YRDC: variants seen among roughly 807,000 people sequenced by gnomAD.
YRDC encodes yrdC N6-threonylcarbamoyltransferase domain containing, also known as threonylcarbamoyl-AMP synthase.
Under a neutral mutation model 21.5 loss-of-function variants are expected in YRDC, and 17 were observed. The ratio of observed to expected loss-of-function variants is 0.79; its 90% CI spans 0.54 to 1.19. YRDC has a LOEUF of 1.19. Ranked by LOEUF, YRDC falls within the 50% of genes most tolerant of loss-of-function variation. YRDC has a pLI of 0.00. For missense variants in YRDC, 380 were observed against 397.1 expected, an observed-to-expected ratio of 0.96 and a Z score of 0.37; for synonymous variants, 193 against 176.7, an observed-to-expected ratio of 1.09 and a Z score of -0.73.
rs1263619284 is a variant in YRDC at position 37,807,935 on chromosome 1, C to A, written c.246G>T (p.Val82=). 2.2e-5 allele frequency: 27 copies of A among 1,243,870 alleles called. No homozygotes were observed. The highest frequency in any genetic ancestry group is 2.6e-5 in the Non-Finnish European group (26 of 993,632). 77.1% of individuals were successfully genotyped at this position (1,243,870 alleles called of 1,614,324 possible). A position where few individuals can be genotyped will look rare whatever the true frequency, so the allele number is the denominator to read the frequency against. The change falls in exon 1 of 5, where the codon GTG becomes GTT. Residue 82 remains valine (V), a synonymous_variant. Coordinates refer to ENST00000373044, the MANE Select transcript of YRDC (RefSeq NM_024640.4). The part of the protein sequence containing the change: ...AAVAELRAGA[V]VAVPTDTLYG... Reference sequence around the variant, plus strand: ...ACAGCGTATCGGTGGGGACGGCCACCACGGCGCCGGCGCGCAGCTCGGCCA... The same window carrying A: ...ACAGCGTATCGGTGGGGACGGCCACAACGGCGCCGGCGCGCAGCTCGGCCA...
intron 4 of YRDC, 91 bp downstream of exon 4, chr1:37,804,211 T>C (rs1646720567): frequency 3.9e-6 from 6 of 1,551,396 alleles, no homozygotes; most frequent in African/African-American, 2.7e-5. Context: ...CAGGGCAACA[T>C]AGGAGGCACC....
chr1:37,808,007 G>T lies in YRDC; in HGVS notation c.174C>A (p.Ala58=). ...TCCAGCCGGCGCGCTCCGGGCTCGCGGCCTGCACGGCCCCGCTCCCCGGGA... is the reference window on the plus strand; with the variant it reads ...TCCAGCCGGCGCGCTCCGGGCTCGCTGCCTGCACGGCCCCGCTCCCCGGGA... The part of the protein sequence containing the change: ...LRLPGSGAVQ[A]ASPERAGWTE... Residue 58 remains alanine (A), a synonymous_variant, in exon 1 of 5, where the codon GCC becomes GCA. Transcript: ENST00000373044. 8.2e-7 allele frequency: 1 copy of T among 1,216,690 alleles called. No individual in the cohort carries two copies. The highest frequency in any genetic ancestry group is 1.0e-6 in the Non-Finnish European group (1 of 978,400). 75.4% of individuals were successfully genotyped at this position (1,216,690 alleles called of 1,614,324 possible). A position where few individuals can be genotyped will look rare whatever the true frequency, so the allele number is the denominator to read the frequency against.
intron 1 of YRDC, 43 bp downstream of exon 1, chr1:37,807,749 C>A: frequency 7.0e-7 from 1 of 1,436,998 alleles, no homozygotes; most frequent in Non-Finnish European, 9.1e-7. Flanking sequence ...GAAACCCCTC[C>A]CGCGGTGCCG....
In YRDC at chr1:37,806,914, A is replaced by C; in HGVS notation, c.567T>G (p.Gly189=). 6.2e-7 allele frequency: 1 copy of C among 1,614,178 alleles called. No individual in the cohort carries two copies. The highest frequency in any genetic ancestry group is 8.5e-7 in the Non-Finnish European group (1 of 1,180,028). Residue 189 remains glycine (G), a synonymous_variant, in exon 3 of 5, where the codon GGT becomes GGG. Transcript: ENST00000373044. ...FMQDLAQMFE[G]PLALTSANLS... is the part of the protein sequence containing the mutation. Reference sequence around the variant, plus strand: ...GGTTGGCACTAGTGAGAGCAAGCGGACCCTCAAACATCTGAGCCAAGTCTT... The same window carrying C: ...GGTTGGCACTAGTGAGAGCAAGCGGCCCCTCAAACATCTGAGCCAAGTCTT...
chr1:37,804,189 C>A, intron 4 of YRDC, 113 bp downstream of exon 4: 1 of 1,516,402 alleles, frequency 6.6e-7, no homozygotes. Flanking sequence ...CCAAACCTGG[C>A]CCACACTCCT....
In YRDC at chr1:37,806,814, G is replaced by A. The variant is rs767172995; in HGVS notation, c.624+43C>T. ...GCCACTGATTCACAGAAAACAGTAT[G>A]TGCGCTGGTGACATTTCCAGGGGAA... is the stretch of plus-strand genomic sequence containing the variant. On this transcript the variant is annotated intron_variant, in intron 3 of 4. Transcript: ENST00000373044. 1.1e-5 allele frequency: 18 copies of A among 1,613,234 alleles called. No homozygotes were observed. The South Asian group carries it at 1.9e-4, about 17-fold the overall frequency.
intron 3 of YRDC, among the ~76,000 whole-genome samples, chr1:37,805,609 C>T (rs557985931): frequency 1.3e-5 from 2 of 152,180 alleles, no homozygotes; most frequent in Non-Finnish European, 2.9e-5. Context: ...TGATTGCTGA[C>T]AAGGTAAAAA....
chr1:37,807,589 T>C, intron 1 of YRDC: 1 of 1,055,200 alleles, frequency 9.5e-7, no homozygotes. Context: ...GGTCCCTGCC[T>C]TTCTCGTGTG....
In YRDC at chr1:37,803,983, G is replaced by T. The variant is rs1646718360; in HGVS notation, c.782C>A (p.Thr261Asn). ...IIRPGCALESTTAILQQKYGL... is the reference protein window; with the variant it reads ...IIRPGCALESNTAILQQKYGL... Reference sequence around the variant, plus strand: ...GTACTTCTGTTGGAGGATGGCTGTAGTACTTTCCAGGGCACTGAGGAGGAA... The same window carrying T: ...GTACTTCTGTTGGAGGATGGCTGTATTACTTTCCAGGGCACTGAGGAGGAA... The change falls in exon 5 of 5, where the codon ACT becomes AAT. Residue 261 changes from threonine to asparagine, a missense_variant. This residue lies in a region of YRDC where 238 missense variants were observed against 236.5 expected (regional missense o/e 1.01). Coordinates refer to ENST00000373044, the MANE Select transcript of YRDC (RefSeq NM_024640.4). 6.2e-7 allele frequency: 1 copy of T among 1,614,070 alleles called. No homozygotes were observed. The highest frequency in any genetic ancestry group is 8.5e-7 in the Non-Finnish European group (1 of 1,180,048).
intron 2 of YRDC, 46 bp from the exon 3 acceptor site, chr1:37,807,022 A>G: frequency 6.2e-7 from 1 of 1,614,176 alleles, no homozygotes; most frequent in South Asian, 1.1e-5. Flanking sequence ...TGGAAGGGAT[A>G]AGAGGGTAAG....
chr1:37,804,196 T>A (rs1481125855), intron 4 of YRDC, 106 bp downstream of exon 4: 29 of 1,524,796 alleles, frequency 1.9e-5, no homozygotes, highest in Non-Finnish European at 2.5e-5. Context: ...TGGCCCACAC[T>A]CCTTCAGGGC....
At position 37,804,297 on chromosome 1, in the gene YRDC, C is replaced by T. The variant is rs367925257; in HGVS notation, c.767+5G>A. On this transcript the variant is annotated splice_donor_5th_base_variant and intron_variant, in intron 4 of 4. Transcript: ENST00000373044. The stretch of plus-strand genomic sequence containing the variant: ...ATTTCCCCACACCACAGGAAAGAGA[C>T]TTACCAGCCTGGACGAATGATGCCA... 2.5e-6 allele frequency: 4 copies of T among 1,612,156 alleles called. No individual in the cohort carries two copies. In the African/African-American group the frequency reaches 5.3e-5, roughly 22 times the overall value.
chr1:37,803,669 AG>A lies in YRDC; in HGVS notation c.*255del, dbSNP rs1646716431. The A allele has an allele frequency of 1.3e-5, 6 of 456,796 alleles. No homozygotes were observed. The East Asian group carries it at 1.7e-4, about 13-fold the overall frequency. 28.3% of individuals were successfully genotyped at this position (456,796 alleles called of 1,614,324 possible). ...GAAACTTATTAGAATAAGGCCACCTAGGAATGTTCTTAACTTTTCCATTCAG... is the reference window on the plus strand; with the variant it reads ...GAAACTTATTAGAATAAGGCCACCTAGAATGTTCTTAACTTTTCCATTCAG... On this transcript the variant is annotated 3_prime_UTR_variant, in exon 5 of 5. Transcript: ENST00000373044.
At position 37,807,785 on chromosome 1, in the gene YRDC, G is replaced by C; in HGVS notation, c.389+7C>G. 1 of 1,506,174 alleles carries C rather than the reference G, an allele frequency of 6.6e-7. No individual in the cohort carries two copies. Among genetic ancestry groups the C allele is most frequent in the South Asian group, 1.2e-5 (1 of 82,524 alleles). The allele number at this position is 1,506,174 out of a possible 1,614,324, so 93.3% of individuals were successfully genotyped here. ...CCCCTAGCGGGGCCGGGTCGGGGCG[G>C]CCTTACCTGTAGACGTCGGCCACGC... On this transcript the variant is annotated splice_region_variant and intron_variant, in intron 1 of 4. Transcript: ENST00000373044.
chr1:37,806,963 C>G lies in YRDC; in HGVS notation c.518G>C (p.Arg173Pro). The change falls in exon 3 of 5, where the codon CGG (arginine) becomes CCG (proline). Residue 173 changes from arginine (R) to proline (P), a missense_variant. Arg to Pro is a moderately radical substitution (Grantham distance 103). This residue lies in a region of YRDC where 238 missense variants were observed against 236.5 expected (regional missense o/e 1.01). Transcript: ENST00000373044. ...TTGCATAAAAGCATGATCAGGAATC[C>G]GAATGCCTACAAGCTGTAAGGCAAG... is the stretch of plus-strand genomic sequence containing the variant. ...LNPFTPLVGI[R>P]IPDHAFMQDL... The G allele has an allele frequency of 1.2e-6, 2 of 1,614,102 alleles. No individual in the cohort carries two copies.
chr1:37,806,402 A>G (rs983947758), intron 3 of YRDC, among the ~76,000 whole-genome samples: 2 of 152,134 alleles, frequency 1.3e-5, no homozygotes, highest in African/African-American at 4.8e-5. Flanking sequence ...GAGTTTTGCC[A>G]TGTTAGCCAG....
At chr1:37,807,628 G>T in intron 1 of YRDC, 164 bp downstream of exon 1, 1 of 1,280,470 alleles carries the variant, frequency 7.8e-7, no homozygotes. Context: ...ATGTAGTTCA[G>T]GGCCCGGGGC....
At chr1:37,807,374 G>A (rs1646746106) in intron 1 of YRDC, 159 bp from the exon 2 acceptor site, 1 of 715,486 alleles carries the variant, frequency 1.4e-6, no homozygotes, top group African/African-American at 1.8e-5. Context: ...AGAAAGCAGG[G>A]CTCCAGAGGC....
intron 3 of YRDC, among the ~76,000 whole-genome samples, chr1:37,805,732 A>T (rs2148390889): frequency 6.6e-6 from 1 of 152,334 alleles, no homozygotes; most frequent in South Asian, 2.1e-4. Flanking sequence ...ACTTTCTAAG[A>T]ACCCTGAGCC....
Sources: allele counts gnomAD v4.1 joint callset (sites outside exome capture counted in the v4.1 genomes callset), GRCh38; gene constraint gnomAD v4.1.1; regional missense constraint gnomAD v4.1.1; transcripts MANE v1.5; gene names NCBI Gene and HGNC (gene_info 2026-07-23, HGNC 2026-07-21).